IL1RAPL1: variants seen among roughly 807,000 people sequenced by gnomAD.
The protein encoded by IL1RAPL1 is interleukin 1 receptor accessory protein like 1.
IL1RAPL1 carries 3 observed loss-of-function variants against 48.4 expected under a neutral mutation model. The ratio of observed to expected loss-of-function variants is 0.06; its 90% confidence interval spans 0.03 to 0.16. IL1RAPL1 has a LOEUF of 0.16. Ranked by LOEUF, IL1RAPL1 falls within the 10% of genes least tolerant of loss-of-function variation. The pLI is 1.00. For missense variants in IL1RAPL1, 349 were observed against 530.6 expected, an observed-to-expected ratio of 0.66 and a Z score of 3.36; for synonymous variants, 185 against 187.7, an observed-to-expected ratio of 0.99 and a Z score of 0.12.
At chrX:29,104,759 C>T (rs983266971) in intron 2 of IL1RAPL1, among the ~76,000 whole-genome samples, 5 of 96,922 alleles carry the variant, frequency 5.2e-5, no homozygotes, top group African/African-American at 2.2e-4. Flanking sequence ...CTACTATGTA[C>T]CCACAAAAAA....
In IL1RAPL1 at chrX:29,143,083, G is replaced by T. The variant is rs182941512; in HGVS notation, c.83-139855G>T. On this transcript the variant is annotated intron_variant, in intron 2 of 10. Transcript: ENST00000378993. ...AAATAAAATATTATTTTTATTTGAGGTTATTTAAACCTCCCATGGAGTATA... is the reference window on the plus strand; with the variant it reads ...AAATAAAATATTATTTTTATTTGAGTTTATTTAAACCTCCCATGGAGTATA... Among the ~76,000 whole-genome samples the T allele has an allele frequency of 8.8e-3, 983 of 111,349 alleles. 7 individuals carry two copies. Among genetic ancestry groups the T allele is most frequent in the African/African-American group, 0.029 (894 of 30,654 alleles).
chrX:28,848,392 A>G (rs767811688), intron 2 of IL1RAPL1, among the ~76,000 whole-genome samples: 2 of 111,422 alleles, frequency 1.8e-5, no homozygotes, highest in African/African-American at 3.3e-5. Context: ...TGATTGACAG[A>G]ATGAATTATT....
chrX:29,803,651 GTATA>G (rs1027098531), intron 6 of IL1RAPL1, among the ~76,000 whole-genome samples: 1 of 103,278 alleles, frequency 9.7e-6, no homozygotes, highest in Non-Finnish European at 2.0e-5. Context: ...ATACACGCGT[GTATA>G]TATATACACA....
chrX:29,562,812 T>C (rs1922280249), intron 5 of IL1RAPL1, among the ~76,000 whole-genome samples: 1 of 111,952 alleles, frequency 8.9e-6, no homozygotes, highest in African/African-American at 3.2e-5. Context: ...TTCTAGTTAG[T>C]GGCAATCATA....
At chrX:29,229,383 C>A (rs1339724587) in intron 2 of IL1RAPL1, among the ~76,000 whole-genome samples, 1 of 109,769 alleles carries the variant, frequency 9.1e-6, no homozygotes, top group Non-Finnish European at 1.9e-5. Flanking sequence ...TGGTCTTAAC[C>A]CATTCTGTAT....
chrX:29,929,568 G>A (rs1213507607), intron 8 of IL1RAPL1, among the ~76,000 whole-genome samples: 1 of 111,425 alleles, frequency 9.0e-6, no homozygotes, highest in Non-Finnish European at 1.9e-5. Context: ...TTAAGTGTTT[G>A]AAAAGTTGAC....
intron 2 of IL1RAPL1, among the ~76,000 whole-genome samples, chrX:28,867,166 G>T (rs1922097515): frequency 8.9e-6 from 1 of 111,885 alleles, no homozygotes; most frequent in Admixed American, 9.5e-5. Flanking sequence ...TTTAAAGTGA[G>T]ATGCATCATC....
At chrX:28,652,173 A>T (rs1934690644) in intron 1 of IL1RAPL1, among the ~76,000 whole-genome samples, 1 of 111,423 alleles carries the variant, frequency 9.0e-6, no homozygotes, top group African/African-American at 3.3e-5. Flanking sequence ...GGCTTCTCAG[A>T]CATGGTATCT....
chrX:28,786,028 T>A (rs763023875), intron 1 of IL1RAPL1, among the ~76,000 whole-genome samples: 10 of 111,807 alleles, frequency 8.9e-5, no homozygotes, highest in Non-Finnish European at 1.9e-4. Context: ...AAAAGTTGCA[T>A]AAAACTCACA....
chrX:29,255,143 G>A (rs563524523), intron 2 of IL1RAPL1, among the ~76,000 whole-genome samples: 5 of 70,312 alleles, frequency 7.1e-5, no homozygotes, highest in South Asian at 5.4e-4. Context: ...GTGTGTGTGC[G>A]TGTGTGTGTG....
intron 2 of IL1RAPL1, among the ~76,000 whole-genome samples, chrX:28,898,065 C>A (rs1052593883): frequency 5.4e-5 from 6 of 111,631 alleles, no homozygotes; most frequent in South Asian, 3.8e-4. Flanking sequence ...AGGCCATTTA[C>A]ATTTCACTTC....
chrX:29,112,090 C>T (rs960820748), intron 2 of IL1RAPL1, among the ~76,000 whole-genome samples: 9 of 108,812 alleles, frequency 8.3e-5, no homozygotes, highest in South Asian at 4.1e-4. Context: ...CCACCACGCC[C>T]GGCTAATTTT....
chrX:29,187,595 T>C (rs956586022), intron 2 of IL1RAPL1, among the ~76,000 whole-genome samples: 5 of 111,701 alleles, frequency 4.5e-5, no homozygotes, highest in African/African-American at 1.6e-4. Flanking sequence ...ACTGTCTTCA[T>C]CTTCCAAGGC....
intron 2 of IL1RAPL1, among the ~76,000 whole-genome samples, chrX:29,027,363 G>A (rs1200145363): frequency 9.0e-6 from 1 of 111,447 alleles, no homozygotes; most frequent in African/African-American, 3.3e-5. Flanking sequence ...GTCTTTTCTT[G>A]GCTTGATAGC....
rs772893260 is a variant in IL1RAPL1 at position 29,072,112 on chromosome X, A to T, written c.83-210826A>T. ...TTAAATATATGGCTTCCATCCAATG[A>T]TTCCCAGCAGGGCCATTAAATAAAG... On this transcript the variant is annotated intron_variant, in intron 2 of 10. Coordinates refer to ENST00000378993, the MANE Select transcript of IL1RAPL1 (RefSeq NM_014271.4). Among the ~76,000 whole-genome samples the T allele has an allele frequency of 2.8e-3, 310 of 110,222 alleles. 2 individuals are homozygous for T. Among genetic ancestry groups the T allele is most frequent in the African/African-American group, 9.8e-3 (298 of 30,296 alleles).
intron 5 of IL1RAPL1, among the ~76,000 whole-genome samples, chrX:29,470,030 G>A (rs1267185699): frequency 1.8e-5 from 2 of 112,031 alleles, no homozygotes; most frequent in African/African-American, 6.5e-5. Context: ...TATTTTACCT[G>A]TCAAACTGTA....
intron 1 of IL1RAPL1, among the ~76,000 whole-genome samples, chrX:28,769,160 T>C (rs1287847617): frequency 9.2e-6 from 1 of 109,264 alleles, no homozygotes; most frequent in East Asian, 2.9e-4. Context: ...TGTATGTGTG[T>C]GTGTGTGTAT....
intron 2 of IL1RAPL1, among the ~76,000 whole-genome samples, chrX:28,944,632 A>G (rs1458814677): frequency 9.0e-6 from 1 of 110,885 alleles, no homozygotes; most frequent in East Asian, 2.8e-4. Context: ...AAGAGTAAAA[A>G]TATCCGACAT....
chrX:29,612,171 C>T (rs758784728), intron 5 of IL1RAPL1, among the ~76,000 whole-genome samples: 4 of 111,185 alleles, frequency 3.6e-5, no homozygotes, highest in Non-Finnish European at 7.5e-5. Flanking sequence ...TATTTCCCTG[C>T]CTCCTGTCCG....
Sources: allele counts gnomAD v4.1 joint callset (sites outside exome capture counted in the v4.1 genomes callset), GRCh38; gene constraint gnomAD v4.1.1; transcripts MANE v1.5; gene names NCBI Gene and HGNC (gene_info 2026-07-23, HGNC 2026-07-21).